The following ARHGAP10 variants were observed in gnomAD, a reference collection of about 807,000 sequenced individuals.
ARHGAP10 encodes Rho GTPase activating protein 10.
In ARHGAP10, 87 loss-of-function variants were observed where a neutral mutation model predicts 108.6. The ratio of observed to expected loss-of-function variants is 0.80; its 90% CI spans 0.67 to 0.96. The LOEUF is 0.96. ARHGAP10 is among the 40% of genes least tolerant of loss of function. ARHGAP10 has a pLI of 0.00. For missense variants in ARHGAP10, 939 were observed against 954.5 expected (o/e 0.98, Z 0.21); for synonymous variants, 347 against 341.1 (o/e 1.02, Z -0.19).
intron 3 of ARHGAP10, among the ~76,000 whole-genome samples, chr4:147,841,906 A>C (rs764974462): frequency 6.6e-6 from 1 of 152,148 alleles, no homozygotes; most frequent in South Asian, 2.1e-4. Flanking sequence ...CGATCTGAAG[A>C]TAGTAAGGCA....
At chr4:148,044,411 A>T (rs1728786185) in intron 19 of ARHGAP10, among the ~76,000 whole-genome samples, 1 of 152,016 alleles carries the variant, frequency 6.6e-6, no homozygotes, top group Admixed American at 6.6e-5. Flanking sequence ...GCCTTGCCCA[A>T]CTGTCAGGGC....
chr4:147,742,559 C>G (rs913015223), intron 1 of ARHGAP10, among the ~76,000 whole-genome samples: 2 of 139,958 alleles, frequency 1.4e-5, no homozygotes, highest in Non-Finnish European at 3.0e-5. Flanking sequence ...TCTCGACTCA[C>G]TGCAACCTCT....
chr4:147,813,751 G>A (rs928075995), intron 1 of ARHGAP10, among the ~76,000 whole-genome samples: 15 of 152,260 alleles, frequency 9.9e-5, no homozygotes, highest in African/African-American at 3.1e-4. Context: ...TTGCTCACAT[G>A]TTTTCCTGGT....
At chr4:147,763,319 T>C (rs1729663129) in intron 1 of ARHGAP10, among the ~76,000 whole-genome samples, 2 of 151,502 alleles carry the variant, frequency 1.3e-5, no homozygotes, top group Admixed American at 1.3e-4. Flanking sequence ...ATAATAGTTT[T>C]TTTTTTTTTT....
At chr4:148,012,919 G>T (rs1460549334) in intron 18 of ARHGAP10, among the ~76,000 whole-genome samples, 1 of 140,116 alleles carries the variant, frequency 7.1e-6, no homozygotes, top group Non-Finnish European at 1.5e-5. Flanking sequence ...GTGGGTATCT[G>T]TCTGGTTTTT....
intron 3 of ARHGAP10, among the ~76,000 whole-genome samples, chr4:147,828,906 T>C (rs1221399762): frequency 1.3e-5 from 2 of 151,932 alleles, no homozygotes; most frequent in Non-Finnish European, 2.9e-5. Context: ...AGATGGAGTT[T>C]CGTTCTTGTT....
intron 19 of ARHGAP10, among the ~76,000 whole-genome samples, chr4:148,039,447 A>G (rs1578815745): frequency 8.3e-6 from 1 of 120,370 alleles, no homozygotes; most frequent in Admixed American, 1.1e-4. Context: ...ACCCACCACC[A>G]CGCCTGGCTA....
intron 16 of ARHGAP10, among the ~76,000 whole-genome samples, chr4:147,957,782 G>A (rs1042555137): frequency 4.6e-5 from 7 of 152,036 alleles, no homozygotes; most frequent in Admixed American, 1.3e-4. Context: ...GTGAACCTCC[G>A]TGTTAATTTC....
Position 147,919,886 on chromosome 4 carries a change from A to C in ARHGAP10, c.1228+6747A>C, listed in dbSNP as rs569743372. Among the ~76,000 whole-genome samples, 18 of 152,174 alleles carry C rather than the reference A, an allele frequency of 1.2e-4. No individual in the cohort carries two copies. The South Asian group carries it at 3.7e-3, about 32-fold the overall frequency. On this transcript the variant is annotated intron_variant, in intron 13 of 22. Coordinates refer to ENST00000336498, the MANE Select transcript of ARHGAP10 (RefSeq NM_024605.4). ...TGAGCCACTGTACCTGGCCTTAAAAATGTTGATGCCAGGCTCTCATACCCT... is the reference window on the plus strand; with the variant it reads ...TGAGCCACTGTACCTGGCCTTAAAACTGTTGATGCCAGGCTCTCATACCCT...
At chr4:148,014,049 C>T (rs955494024) in intron 18 of ARHGAP10, among the ~76,000 whole-genome samples, 2 of 151,908 alleles carry the variant, frequency 1.3e-5, no homozygotes, top group Non-Finnish European at 2.9e-5. Context: ...AAAGGAACCT[C>T]AAAAGAAGTT....
intron 1 of ARHGAP10, among the ~76,000 whole-genome samples, chr4:147,798,868 A>G (rs1038660851): frequency 6.7e-6 from 1 of 148,212 alleles, no homozygotes; most frequent in Non-Finnish European, 1.5e-5. Flanking sequence ...TTTAGTCTCC[A>G]TGGTTTCAGA....
intron 19 of ARHGAP10, among the ~76,000 whole-genome samples, chr4:148,029,572 T>A (rs1728040678): frequency 6.6e-6 from 1 of 152,228 alleles, no homozygotes; most frequent in African/African-American, 2.4e-5. Context: ...AAACATGTGA[T>A]CAGCTTGATG....
intron 1 of ARHGAP10, among the ~76,000 whole-genome samples, chr4:147,808,573 A>C (rs2126768834): frequency 6.6e-6 from 1 of 152,278 alleles, no homozygotes; most frequent in South Asian, 2.1e-4. Flanking sequence ...TGGAGGAAAG[A>C]GTGGGAGCAG....
At chr4:147,739,821 C>A (rs373225572) in intron 1 of ARHGAP10, among the ~76,000 whole-genome samples, 44 of 151,650 alleles carry the variant, frequency 2.9e-4, no homozygotes, top group East Asian at 1.6e-3. Flanking sequence ...CTGCAACCTC[C>A]GCCTCCCAGG....
At chr4:147,827,124 C>T (rs1732738678) in intron 3 of ARHGAP10, among the ~76,000 whole-genome samples, 2 of 151,268 alleles carry the variant, frequency 1.3e-5, no homozygotes, top group South Asian at 4.2e-4. Flanking sequence ...AAGTTGGATT[C>T]TTAACCCATA....
intron 20 of ARHGAP10, among the ~76,000 whole-genome samples, chr4:148,048,131 G>A (rs1248233861): frequency 1.3e-5 from 2 of 152,134 alleles, no homozygotes; most frequent in African/African-American, 2.4e-5. Context: ...CCCATCCAGA[G>A]AGTCTTCAAA....
chr4:147,773,198 T>C (rs1445643266), intron 1 of ARHGAP10, among the ~76,000 whole-genome samples: 2 of 152,232 alleles, frequency 1.3e-5, no homozygotes, highest in African/African-American at 4.8e-5. Flanking sequence ...CTAAACATGC[T>C]GACTTCTTGT....
intron 3 of ARHGAP10, among the ~76,000 whole-genome samples, chr4:147,828,353 G>GTTGGTTT (rs1318831634): frequency 3.9e-5 from 6 of 152,304 alleles, no homozygotes; most frequent in African/African-American, 1.4e-4. Flanking sequence ...AGCAATCCCT[G>GTTGGTTT]TTGGTTTTGA....
chr4:147,978,693 A>G (rs1197893525), intron 18 of ARHGAP10, among the ~76,000 whole-genome samples: 2 of 152,198 alleles, frequency 1.3e-5, no homozygotes, highest in African/African-American at 4.8e-5. Flanking sequence ...CTGTGAGTCA[A>G]TTAAGCCCCT....
Sources: gnomAD v4.1 joint callset for allele counts (sites outside exome capture counted in the v4.1 genomes callset) on GRCh38, gnomAD v4.1.1 for gene constraint, MANE v1.5 for transcripts, NCBI Gene and HGNC (gene_info 2026-07-23, HGNC 2026-07-21) for gene names.